The following REV3L variants were observed in gnomAD, a reference collection of about 807,000 sequenced individuals.
REV3L encodes DNA polymerase zeta catalytic subunit.
A neutral mutation model predicts 299.4 loss-of-function variants in REV3L; 69 were observed. The ratio of observed to expected loss-of-function variants is 0.23; its 90% CI spans 0.19 to 0.28. The LOEUF is 0.28. Among genes scored for constraint, REV3L ranks in the 10% least tolerant of loss-of-function variants. The probability of loss-of-function intolerance (pLI) is 1.00; values close to 1 mark genes in which losing one functional copy is unlikely to be tolerated. For missense variants in REV3L, 3,128 were observed against 3,693.8 expected, an observed-to-expected ratio of 0.85 and a Z score of 3.97; for synonymous variants, 1,238 against 1,271.4, an observed-to-expected ratio of 0.97 and a Z score of 0.56.
chr6:111,477,812 G>C (rs1463250774), intron 1 of REV3L, among the ~76,000 whole-genome samples: 1 of 152,226 alleles, frequency 6.6e-6, no homozygotes. Flanking sequence ...TCTGATTACA[G>C]TGTAGGAAAC....
rs989950090 is a variant in REV3L at position 111,467,922 on chromosome 6, A to C, written c.139+14828T>G. Among the ~76,000 whole-genome samples, 9 of 151,960 alleles carry C rather than the reference A, an allele frequency of 5.9e-5. No individual in the cohort carries two copies. The East Asian group carries it at 7.7e-4, about 13-fold the overall frequency. The stretch of plus-strand genomic sequence containing the variant: ...ATGTTTTATACACATCACACACACA[A>C]ACACACACACAATGAAATTAACGAG... On this transcript the variant is annotated intron_variant, in intron 1 of 31. Coordinates refer to ENST00000368802, the MANE Select transcript of REV3L (RefSeq NM_001372078.1).
chr6:111,314,831 A>C (rs1386158741), intron 27 of REV3L, among the ~76,000 whole-genome samples: 2 of 151,784 alleles, frequency 1.3e-5, no homozygotes, highest in Non-Finnish European at 2.9e-5. Context: ...ATTATACAAA[A>C]GAGAAAATAT....
In REV3L at chr6:111,482,907, T is replaced by G. The variant is rs376257829; in HGVS notation, c.-19A>C. ...AAAACATGTTCGCCGCCGCCGCCAC[T>G]GCCTCCCTTCACTGGCGACCCGGCA... On this transcript the variant is annotated 5_prime_UTR_variant, in exon 1 of 32. Transcript: ENST00000368802. 1.3e-3 allele frequency: 1,931 copies of G among 1,510,024 alleles called. 6 individuals are homozygous for G. Among genetic ancestry groups the G allele is most frequent in the Admixed American group, 1.9e-3 (71 of 38,158 alleles). 93.5% of individuals were successfully genotyped at this position (1,510,024 alleles called of 1,614,324 possible).
At chr6:111,360,470 CTTT>C (rs71021836) in intron 16 of REV3L, among the ~76,000 whole-genome samples, 4 of 129,546 alleles carry the variant, frequency 3.1e-5, no homozygotes, top group African/African-American at 9.5e-5. Context: ...GTTAAATAAT[CTTT>C]TTTTTTTTTT....
chr6:111,407,464 C>A (rs995220305), intron 3 of REV3L, among the ~76,000 whole-genome samples: 2 of 152,078 alleles, frequency 1.3e-5, no homozygotes, highest in Non-Finnish European at 2.9e-5. Flanking sequence ...ATGAGAAAAA[C>A]TAGAGGTGGT....
chr6:111,363,977 T>C lies in REV3L; in HGVS notation c.6755A>G (p.Asn2252Ser), dbSNP rs56079833. 75 of 1,603,586 alleles carry C rather than the reference T, an allele frequency of 4.7e-5. 1 individual carries two copies. The African/African-American group carries it at 9.1e-4, about 20-fold the overall frequency. The change falls in exon 16 of 32, where the codon AAT becomes AGT. Residue 2252 changes from asparagine (N) to serine (S), a missense_variant and splice_region_variant. Around this residue, in one of 9 missense-constraint regions of REV3L, gnomAD observed 2,409 missense variants for 2,611.8 expected, o/e 0.92. Transcript: ENST00000368802. Reference sequence around the variant, plus strand: ...TGGGGTATTTACTGCTGCAAATTGATTCTATAAAAAAAAACACACACACAC... The same window carrying C: ...TGGGGTATTTACTGCTGCAAATTGACTCTATAAAAAAAAACACACACACAC... ...LRRVLLTQAKNQFAAVNTPQK... is the reference protein window; with the variant it reads ...LRRVLLTQAKSQFAAVNTPQK...
chr6:111,454,881 G>A (rs948025774), intron 1 of REV3L, among the ~76,000 whole-genome samples: 1 of 152,066 alleles, frequency 6.6e-6, no homozygotes, highest in Admixed American at 6.5e-5. Context: ...GGTCAGACTG[G>A]TCTCAAACTC....
In REV3L at chr6:111,367,486, C is replaced by A. The variant is rs778716106; in HGVS notation, c.6302G>T (p.Ser2101Ile). ...ATCATCTTCATCTTTTTCGGGATCA[C>A]TTGCAGAGGCAACTGGTGGCAGCAT... ...SQMLPPVASASDPEKDEDDDD... is the reference protein window; with the variant it reads ...SQMLPPVASAIDPEKDEDDDD... The change falls in exon 14 of 32, where the codon AGT becomes ATT. Residue 2101 changes from serine to isoleucine, a missense_variant. This residue lies in a region of REV3L where 2,409 missense variants were observed against 2,611.8 expected (regional missense o/e 0.92). Transcript: ENST00000368802. 1 of 1,608,680 alleles carries A rather than the reference C, an allele frequency of 6.2e-7. No homozygotes were observed. Among genetic ancestry groups the A allele is most frequent in the South Asian group, 1.1e-5 (1 of 90,582 alleles).
At chr6:111,431,921 G>A (rs1236684489) in intron 1 of REV3L, 3 of 360,538 alleles carry the variant, frequency 8.3e-6, no homozygotes, top group Admixed American at 4.4e-5. Flanking sequence ...TGTTCCAGAG[G>A]TTGGACTTGT....
At chr6:111,434,676 AC>A (rs1447349423) in intron 1 of REV3L, among the ~76,000 whole-genome samples, 1 of 152,138 alleles carries the variant, frequency 6.6e-6, no homozygotes, top group Non-Finnish European at 1.5e-5. Context: ...AAATCAACAT[AC>A]AAAAATCAGT....
Position 111,300,154 on chromosome 6 carries a change from T to C in REV3L, c.9255A>G (p.Ile3085Met). Residue 3085 changes from isoleucine to methionine, a missense_variant and splice_region_variant, in exon 32 of 32, where the codon ATA (isoleucine) becomes ATG (methionine). Around this residue, in one of 9 missense-constraint regions of REV3L, gnomAD observed 294 missense variants for 377.0 expected, o/e 0.78. Coordinates refer to ENST00000368802, the MANE Select transcript of REV3L (RefSeq NM_001372078.1). ...CAAAGCAACCTGTACAGTTCTTGCATATCTGAAAGCATAAGAGAAATACAA... is the reference window on the plus strand; with the variant it reads ...CAAAGCAACCTGTACAGTTCTTGCACATCTGAAAGCATAAGAGAAATACAA... ...LERQQEQLVKICKNCTGCFDR... is the reference protein window; with the variant it reads ...LERQQEQLVKMCKNCTGCFDR... 6.3e-7 allele frequency: 1 copy of C among 1,575,358 alleles called. No individual in the cohort carries two copies. Among genetic ancestry groups the C allele is most frequent in the Non-Finnish European group, 8.6e-7 (1 of 1,164,946 alleles).
rs1772770638 is a variant in REV3L, at chr6:111,309,861, A to G, written c.9034T>C (p.Leu3012=). The G allele has an allele frequency of 6.2e-7, 1 of 1,613,452 alleles. No homozygotes were observed. Among genetic ancestry groups the G allele is most frequent in the Non-Finnish European group, 8.5e-7 (1 of 1,179,742 alleles). The change falls in exon 30 of 32, where the codon TTA becomes CTA. Residue 3012 remains leucine, a synonymous_variant. Coordinates refer to ENST00000368802, the MANE Select transcript of REV3L (RefSeq NM_001372078.1). ...GIDVFSWYHE[L]PRIHKATSSS... is the part of the protein sequence containing the mutation. ...CTATTTGGTAAGCTTACCCTTGGTAATTCATGATACCAGCTGAAGACATCA... is the reference window on the plus strand; with the variant it reads ...CTATTTGGTAAGCTTACCCTTGGTAGTTCATGATACCAGCTGAAGACATCA...
At chr6:111,304,501 A>G (rs1031409956) in intron 31 of REV3L, among the ~76,000 whole-genome samples, 1 of 152,186 alleles carries the variant, frequency 6.6e-6, no homozygotes, top group Non-Finnish European at 1.5e-5. Flanking sequence ...AAAAATTTCT[A>G]CAAATTAGTG....
intron 4 of REV3L, among the ~76,000 whole-genome samples, chr6:111,398,657 T>C (rs1782775339): frequency 6.6e-6 from 1 of 152,108 alleles, no homozygotes; most frequent in African/African-American, 2.4e-5. Flanking sequence ...TCAGGTAAAA[T>C]GAAGTTATGC....
At position 111,373,396 on chromosome 6, in the gene REV3L, A is replaced by G. The variant is rs1199361848; in HGVS notation, c.4959T>C (p.Gly1653=). ...HNYNFDINTI[G]QTGFCSFYSG... The stretch of plus-strand genomic sequence containing the variant: ...AATAAAAGCTACAAAATCCAGTCTG[A>G]CCTATTGTGTTAATATCAAAATTAT... The change falls in exon 13 of 32, where the codon GGT becomes GGC. Residue 1653 remains glycine (G), a synonymous_variant. Coordinates refer to ENST00000368802, the MANE Select transcript of REV3L (RefSeq NM_001372078.1). 1 of 1,613,598 alleles carries G rather than the reference A, an allele frequency of 6.2e-7. No homozygotes were observed. Among genetic ancestry groups the G allele is most frequent in the African/African-American group, 1.3e-5 (1 of 74,902 alleles).
rs1475003014 is a variant in REV3L at position 111,422,573 on chromosome 6, T to C, written c.140-6101A>G. ...TATATGGGTGATTCTTTTATATATA[T>C]ATACACATATATATATATATACACA... On this transcript the variant is annotated intron_variant, in intron 1 of 31. Coordinates refer to ENST00000368802, the MANE Select transcript of REV3L (RefSeq NM_001372078.1). 3.4e-4 allele frequency among the ~76,000 whole-genome samples: 18 copies of C among 53,320 alleles called. 1 individual carries two copies. Among genetic ancestry groups the C allele is most frequent in the African/African-American group, 8.2e-4 (18 of 22,024 alleles). 35.0% of individuals were successfully genotyped at this position (53,320 alleles called of 152,430 possible).
intron 3 of REV3L, among the ~76,000 whole-genome samples, chr6:111,407,936 A>AAAAC (rs565351932): frequency 1.3e-5 from 2 of 152,186 alleles, no homozygotes; most frequent in Non-Finnish European, 2.9e-5. Context: ...ATTCCAATTC[A>AAAAC]AAACAAACAA....
intron 24 of REV3L, chr6:111,330,826 A>C (rs41552012): frequency 5.3e-6 from 1 of 187,024 alleles, no homozygotes; most frequent in Non-Finnish European, 1.0e-5. Flanking sequence ...TCTCATCTAC[A>C]TCAGTCCTTA....
At chr6:111,321,518 C>T (rs1242469064) in intron 26 of REV3L, among the ~76,000 whole-genome samples, 1 of 152,050 alleles carries the variant, frequency 6.6e-6, no homozygotes, top group Non-Finnish European at 1.5e-5. Context: ...ATAAAATAAC[C>T]AAAGCCAAAC....
Sources: allele counts gnomAD v4.1 joint callset (sites outside exome capture counted in the v4.1 genomes callset), GRCh38; gene constraint gnomAD v4.1.1; regional missense constraint gnomAD v4.1.1; transcripts MANE v1.5; gene names NCBI Gene and HGNC (gene_info 2026-07-23, HGNC 2026-07-21).